ABRAXAS2: variants seen among roughly 807,000 people sequenced by gnomAD.
ABRAXAS2 encodes the protein BRISC complex subunit Abraxas 2.
Under a neutral mutation model 49.0 loss-of-function variants are expected in ABRAXAS2, and 23 were observed. The ratio of observed to expected loss-of-function variants is 0.47; its 90% CI spans 0.34 to 0.66. ABRAXAS2 has a LOEUF of 0.66. Ranked by LOEUF, ABRAXAS2 falls within the 30% of genes least tolerant of loss-of-function variation. The probability of loss-of-function intolerance (pLI) is 0.01; values close to 1 mark genes in which losing one functional copy is unlikely to be tolerated. For missense variants in ABRAXAS2, 443 were observed against 511.9 expected, an observed-to-expected ratio of 0.87 and a Z score of 1.30; for synonymous variants, 168 against 180.2, an observed-to-expected ratio of 0.93 and a Z score of 0.54.
intron 4 of ABRAXAS2, among the ~76,000 whole-genome samples, chr10:124,821,295 G>A (rs935224196): frequency 4.6e-5 from 7 of 152,016 alleles, no homozygotes; most frequent in African/African-American, 1.4e-4. Context: ...GGCTGGGTGC[G>A]GTGGCTCATG....
chr10:124,810,841 A>G (rs1413732667), intron 2 of ABRAXAS2, among the ~76,000 whole-genome samples: 1 of 150,750 alleles, frequency 6.6e-6, no homozygotes, highest in Non-Finnish European at 1.5e-5. Context: ...TTGGCCTCCC[A>G]AAGTGCTGGG....
chr10:124,825,092 C>A (rs373853860), intron 4 of ABRAXAS2, among the ~76,000 whole-genome samples: 2 of 151,976 alleles, frequency 1.3e-5, no homozygotes, highest in South Asian at 4.2e-4. Context: ...GAGGCTGAGG[C>A]GGGTGGATCA....
At chr10:124,818,401 A>C (rs11245375) in intron 3 of ABRAXAS2, among the ~76,000 whole-genome samples, 20,148 of 149,874 alleles carry the variant, frequency 0.13, 1,363 homozygotes, top group African/African-American at 0.19. Flanking sequence ...ATCTCAACAA[A>C]AAAAAAAAAA....
intron 8 of ABRAXAS2, among the ~76,000 whole-genome samples, chr10:124,833,204 C>T (rs899497674): frequency 4.0e-5 from 6 of 150,180 alleles, no homozygotes; most frequent in African/African-American, 1.2e-4. Context: ...TGGTGGCTCA[C>T]GCCTGTAATC....
intron 8 of ABRAXAS2, among the ~76,000 whole-genome samples, chr10:124,831,840 G>GTT (rs1564925948): frequency 3.8e-5 from 4 of 106,204 alleles, no homozygotes; most frequent in Admixed American, 1.2e-4. Flanking sequence ...ACTGTGTCCT[G>GTT]TCTTTTTTTT....
intron 2 of ABRAXAS2, among the ~76,000 whole-genome samples, chr10:124,815,282 C>T (rs1370617826): frequency 6.6e-6 from 1 of 151,906 alleles, no homozygotes; most frequent in African/African-American, 2.4e-5. Context: ...GCAAGCTCCA[C>T]CTCCCGGGTT....
chr10:124,835,988 T>C lies in ABRAXAS2; in HGVS notation c.*1017T>C, dbSNP rs561073590. 1 of 152,760 alleles carries C rather than the reference T, an allele frequency of 6.5e-6. No individual in the cohort carries two copies. The highest frequency in any genetic ancestry group is 1.9e-4 in the East Asian group (1 of 5,186). 9.5% of individuals were successfully genotyped at this position (152,760 alleles called of 1,614,324 possible). On this transcript the variant is annotated 3_prime_UTR_variant, in exon 9 of 9. Transcript: ENST00000298492. ...TTTTAAGTTGCCATTTGGGGAATAATTGCAGTATGTGTAGAGACTCTCTTG... is the reference window on the plus strand; with the variant it reads ...TTTTAAGTTGCCATTTGGGGAATAACTGCAGTATGTGTAGAGACTCTCTTG...
At chr10:124,812,056 C>G (rs900111738) in intron 2 of ABRAXAS2, among the ~76,000 whole-genome samples, 1 of 152,200 alleles carries the variant, frequency 6.6e-6, no homozygotes, top group Non-Finnish European at 1.5e-5. Flanking sequence ...GGATTACAGG[C>G]GTAAGCCACC....
At chr10:124,826,018 T>C (rs1950894162) in intron 4 of ABRAXAS2, among the ~76,000 whole-genome samples, 1 of 152,246 alleles carries the variant, frequency 6.6e-6, no homozygotes, top group Non-Finnish European at 1.5e-5. Flanking sequence ...AACAGTTTCA[T>C]TAGCCAGTTT....
At position 124,831,073 on chromosome 10, in the gene ABRAXAS2, A is replaced by G. The variant is rs144894448; in HGVS notation, c.664-276A>G. Among the ~76,000 whole-genome samples the G allele has an allele frequency of 4.1e-4, 62 of 152,350 alleles. 1 individual carries two copies. The East Asian group carries it at 0.011, about 27-fold the overall frequency. Reference sequence around the variant, plus strand: ...GAGTTCCCTTTTCATTTCAATAAAAATGATTAATCAAAGGAAAGAGTAGAT... The same window carrying G: ...GAGTTCCCTTTTCATTTCAATAAAAGTGATTAATCAAAGGAAAGAGTAGAT... On this transcript the variant is annotated intron_variant, in intron 7 of 8. Transcript: ENST00000298492.
intron 8 of ABRAXAS2, among the ~76,000 whole-genome samples, 180 bp from the exon 9 acceptor site, chr10:124,834,322 G>T (rs1028447591): frequency 1.3e-5 from 2 of 152,186 alleles, no homozygotes; most frequent in African/African-American, 4.8e-5. Flanking sequence ...ATGAATTAAT[G>T]TGTAGGGAAA....
intron 7 of ABRAXAS2, 26 bp downstream of exon 7, chr10:124,829,503 A>G: frequency 1.4e-6 from 2 of 1,468,348 alleles, no homozygotes; most frequent in South Asian, 1.2e-5. Flanking sequence ...ATTAGTTTTC[A>G]TCTTATTTGT....
intron 3 of ABRAXAS2, 109 bp from the exon 4 acceptor site, chr10:124,819,275 A>G: frequency 1.2e-6 from 1 of 804,372 alleles, no homozygotes; most frequent in Non-Finnish European, 2.1e-6. Flanking sequence ...AAACCTGTGT[A>G]AGGTGAGAAG....
Position 124,820,197 on chromosome 10 carries a change from T to C in ABRAXAS2, c.267+747T>C, listed in dbSNP as rs550931734. Among the ~76,000 whole-genome samples, 8 of 152,238 alleles carry C rather than the reference T, an allele frequency of 5.3e-5. No individual in the cohort carries two copies. The East Asian group carries it at 1.4e-3, about 26-fold the overall frequency. On this transcript the variant is annotated intron_variant, in intron 4 of 8. Coordinates refer to ENST00000298492, the MANE Select transcript of ABRAXAS2 (RefSeq NM_032182.4). ...GAGCAGGTAAGGATAAAAGGAAGAA[T>C]AGGAAGTGTGGAAGCATAGGTCAGA... is the stretch of plus-strand genomic sequence containing the variant.
At chr10:124,815,541 G>A (rs965061070) in intron 2 of ABRAXAS2, among the ~76,000 whole-genome samples, 10 of 152,242 alleles carry the variant, frequency 6.6e-5, no homozygotes, top group African/African-American at 2.2e-4. Context: ...GAACTCTGAG[G>A]CTGTGGTTTT....
Position 124,826,936 on chromosome 10 carries a change from A to G in ABRAXAS2, c.458+151A>G, listed in dbSNP as rs901226112. The stretch of plus-strand genomic sequence containing the variant: ...AGACCATCCTGGCCAACATGGTGAA[A>G]TTCAAAAATTAGCTGGGTGTGGTGG... On this transcript the variant is annotated intron_variant, in intron 5 of 8. Transcript: ENST00000298492. 4.9e-5 allele frequency: 37 copies of G among 759,146 alleles called. No homozygotes were observed. In the African/African-American group the frequency reaches 6.5e-4, roughly 13 times the overall value. The allele number at this position is 759,146 out of a possible 1,614,324, so 47.0% of individuals were successfully genotyped here.
At chr10:124,833,363 G>C (rs531258805) in intron 8 of ABRAXAS2, among the ~76,000 whole-genome samples, 8 of 151,986 alleles carry the variant, frequency 5.3e-5, no homozygotes, top group African/African-American at 1.9e-4. Context: ...TTCTTGGGAG[G>C]CTGAGGTGGG....
At chr10:124,802,945 A>C (rs1025387324) in intron 1 of ABRAXAS2, among the ~76,000 whole-genome samples, 1 of 152,222 alleles carries the variant, frequency 6.6e-6, no homozygotes, top group Non-Finnish European at 1.5e-5. Flanking sequence ...TGTACCTTTC[A>C]TCTCTTCAGT....
At position 124,828,828 on chromosome 10, in the gene ABRAXAS2, A is replaced by G. The variant is rs1018202958; in HGVS notation, c.531A>G (p.Ser177=). The part of the protein sequence containing the change: ...NTSQQEYKVS[S]VPNTSQSYAK... ...GCCAGCAAGAGTACAAAGTGTCTTCAGTGCCAAATACTTCTCAGAGTTATG... is the reference window on the plus strand; with the variant it reads ...GCCAGCAAGAGTACAAAGTGTCTTCGGTGCCAAATACTTCTCAGAGTTATG... Residue 177 remains serine, a synonymous_variant, in exon 6 of 9, where the codon TCA becomes TCG. Coordinates refer to ENST00000298492, the MANE Select transcript of ABRAXAS2 (RefSeq NM_032182.4). 7 of 1,613,900 alleles carry G rather than the reference A, an allele frequency of 4.3e-6. No individual in the cohort carries two copies. In the Admixed American group the frequency reaches 8.3e-5, roughly 19 times the overall value.
Sources: gnomAD v4.1 joint callset for allele counts (sites outside exome capture counted in the v4.1 genomes callset) on GRCh38, gnomAD v4.1.1 for gene constraint, MANE v1.5 for transcripts, NCBI Gene and HGNC (gene_info 2026-07-23, HGNC 2026-07-21) for gene names.